The following RAB5A variants were observed in gnomAD, a reference collection of about 807,000 sequenced individuals.
The protein encoded by RAB5A is RAB5A, member RAS oncogene family, also known as ras-related protein Rab-5A.
RAB5A carries 8 observed loss-of-function variants against 25.7 expected under a neutral mutation model. The observed-to-expected ratio is 0.31, with a 90% CI of 0.18 to 0.56. The LOEUF is 0.56. RAB5A is among the 20% of genes least tolerant of loss of function. The pLI is 0.91. For synonymous variants in RAB5A, 98 were observed against 89.8 expected (o/e 1.09, Z -0.52); for missense variants, 192 against 259.7 (o/e 0.74, Z 1.79).
intron 5 of RAB5A, among the ~76,000 whole-genome samples, chr3:19,982,605 G>A (rs1442235456): frequency 6.6e-6 from 1 of 152,022 alleles, no homozygotes; most frequent in African/African-American, 2.4e-5. Context: ...GTCCCAGCAC[G>A]TGGGAGTCTG....
chr3:19,952,477 C>T (rs563544051), intron 2 of RAB5A, among the ~76,000 whole-genome samples: 1 of 152,306 alleles, frequency 6.6e-6, no homozygotes, highest in South Asian at 2.1e-4. Context: ...ATCTGTCTTT[C>T]AGAAGCAAAA....
intron 5 of RAB5A, among the ~76,000 whole-genome samples, chr3:19,981,435 G>GA (rs554861426): frequency 6.6e-6 from 1 of 151,980 alleles, no homozygotes; most frequent in African/African-American, 2.4e-5. Context: ...CCAACATGTC[G>GA]AAACCCCGTC....
chr3:19,966,813 C>T (rs756469166), intron 2 of RAB5A, among the ~76,000 whole-genome samples: 1 of 152,012 alleles, frequency 6.6e-6, no homozygotes, highest in Non-Finnish European at 1.5e-5. Context: ...TTATTTGTTT[C>T]GGTTTTTTTG....
intron 2 of RAB5A, among the ~76,000 whole-genome samples, chr3:19,959,762 G>A (rs910405755): frequency 3.3e-5 from 5 of 151,772 alleles, no homozygotes; most frequent in African/African-American, 1.2e-4. Flanking sequence ...AAGTAGCTGG[G>A]ACTACAGGTG....
At chr3:19,982,816 T>G (rs971749206) in intron 5 of RAB5A, among the ~76,000 whole-genome samples, 2 of 151,690 alleles carry the variant, frequency 1.3e-5, no homozygotes, top group Admixed American at 1.3e-4. Context: ...CCAAAGGCTG[T>G]GGAAGCCAGG....
At position 19,975,951 on chromosome 3, in the gene RAB5A, A is replaced by G. The variant is rs1050403934; in HGVS notation, c.316-96A>G. 4.8e-6 allele frequency: 7 copies of G among 1,459,910 alleles called. No homozygotes were observed. The East Asian group carries it at 1.6e-4, about 34-fold the overall frequency. 90.4% of individuals were successfully genotyped at this position (1,459,910 alleles called of 1,614,324 possible). A position where few individuals can be genotyped will look rare whatever the true frequency, so the allele number is the denominator to read the frequency against. On this transcript the variant is annotated intron_variant, in intron 3 of 5. Coordinates refer to ENST00000273047, the MANE Select transcript of RAB5A (RefSeq NM_004162.5). The stretch of plus-strand genomic sequence containing the variant: ...ATAGTCCTAATAATTTCTTTCCCAC[A>G]GTCACTTGGGACAGTCTTTTAAAGC...
intron 5 of RAB5A, among the ~76,000 whole-genome samples, chr3:19,982,068 C>T (rs1696939340): frequency 6.6e-6 from 1 of 151,638 alleles, no homozygotes; most frequent in Non-Finnish European, 1.5e-5. Context: ...AGAGCAAGAC[C>T]CTATCTCTAC....
rs116088631 is a variant in RAB5A, at chr3:19,965,956, G to A, written c.164-9645G>A. Among the ~76,000 whole-genome samples, 909 of 152,220 alleles carry A rather than the reference G, an allele frequency of 6.0e-3. 7 individuals carry two copies. The highest frequency in any genetic ancestry group is 0.021 in the African/African-American group (854 of 41,552). On this transcript the variant is annotated intron_variant, in intron 2 of 5. Transcript: ENST00000273047. ...TTGCCCGGGCTGGTCTCGAACTCCC[G>A]GGCTCAAGCAGCATACCCGCCTGGG...
chr3:19,951,351 C>T, intron 2 of RAB5A: 8 of 256,594 alleles, frequency 3.1e-5, no homozygotes, highest in Non-Finnish European at 6.0e-5. Flanking sequence ...ATACCTATTT[C>T]TAGCTAACAA....
chr3:19,966,479 A>C (rs1299749919), intron 2 of RAB5A, among the ~76,000 whole-genome samples: 1 of 152,224 alleles, frequency 6.6e-6, no homozygotes, highest in African/African-American at 2.4e-5. Context: ...GCTGTTATGA[A>C]TAATGTTGCT....
intron 2 of RAB5A, among the ~76,000 whole-genome samples, chr3:19,954,039 G>C (rs1696463692): frequency 6.6e-6 from 1 of 152,062 alleles, no homozygotes; most frequent in South Asian, 2.1e-4. Context: ...TTTTGAGACG[G>C]AATTTCACTA....
intron 2 of RAB5A, among the ~76,000 whole-genome samples, chr3:19,970,077 T>C (rs1696723165): frequency 7.8e-6 from 1 of 127,942 alleles, no homozygotes; most frequent in African/African-American, 2.8e-5. Flanking sequence ...CTAATTTGTA[T>C]TTTTAGTAGA....
intron 1 of RAB5A, among the ~76,000 whole-genome samples, chr3:19,948,373 C>T (rs559507778): frequency 4.2e-4 from 64 of 152,226 alleles, no homozygotes; most frequent in South Asian, 8.3e-4. Context: ...AAACTTTATT[C>T]CTAAAGTAAA....
intron 5 of RAB5A, 71 bp from the exon 6 acceptor site, chr3:19,983,637 T>C (rs1388002170): frequency 1.0e-5 from 10 of 1,001,522 alleles, no homozygotes; most frequent in Admixed American, 2.1e-5. Context: ...AGAAAAATTA[T>C]AGATAAGCAG....
rs572613317 is a variant in RAB5A, at chr3:19,956,786, C to T, written c.163+5725C>T. Among the ~76,000 whole-genome samples the T allele has an allele frequency of 4.6e-5, 7 of 152,236 alleles. No individual in the cohort carries two copies. The East Asian group carries it at 9.6e-4, about 21-fold the overall frequency. ...ATTAAATTATAGCTATTACAGTTACCATCACCACTGTTAACTTTTGGCTGA... is the reference window on the plus strand; with the variant it reads ...ATTAAATTATAGCTATTACAGTTACTATCACCACTGTTAACTTTTGGCTGA... On this transcript the variant is annotated intron_variant, in intron 2 of 5. Coordinates refer to ENST00000273047, the MANE Select transcript of RAB5A (RefSeq NM_004162.5).
chr3:19,985,169 AAAGC>A (rs1195537698), exon 6 of RAB5A: 2 of 494,144 alleles, frequency 4.0e-6, no homozygotes, highest in East Asian at 6.8e-5. Flanking sequence ...AGTGGTATAA[AAAGC>A]AAGTATCGGC....
intron 2 of RAB5A, among the ~76,000 whole-genome samples, chr3:19,972,689 T>A (rs1370587441): frequency 6.6e-6 from 1 of 152,240 alleles, no homozygotes; most frequent in African/African-American, 2.4e-5. Flanking sequence ...GGATTTTTCT[T>A]CATTAGCCTG....
Position 19,950,917 on chromosome 3 carries a change from A to G in RAB5A, c.19A>G (p.Thr7Ala), listed in dbSNP as rs765282057. The stretch of plus-strand genomic sequence containing the variant: ...TTTGGACATGGCTAGTCGAGGCGCA[A>G]CAAGACCCAACGGGCCAAATACGGG... MASRGA[T>A]RPNGPNTGNK... The change falls in exon 2 of 6, where the codon ACA (threonine) becomes GCA (alanine). Residue 7 changes from threonine to alanine, a missense_variant. Thr to Ala is a moderately conservative substitution (Grantham distance 58). Coordinates refer to ENST00000273047, the MANE Select transcript of RAB5A (RefSeq NM_004162.5). 26 of 1,612,792 alleles carry G rather than the reference A, an allele frequency of 1.6e-5. No individual in the cohort carries two copies. The highest frequency in any genetic ancestry group is 1.9e-5 in the Non-Finnish European group (23 of 1,179,580).
chr3:19,956,771 A>G (rs898122182), intron 2 of RAB5A, among the ~76,000 whole-genome samples: 3 of 152,204 alleles, frequency 2.0e-5, no homozygotes, highest in African/African-American at 7.2e-5. Flanking sequence ...ATTAAATTAT[A>G]GCTATTACAG....
Sources: allele counts gnomAD v4.1 joint callset (sites outside exome capture counted in the v4.1 genomes callset), GRCh38; gene constraint gnomAD v4.1.1; transcripts MANE v1.5; gene names NCBI Gene and HGNC (gene_info 2026-07-23, HGNC 2026-07-21).